RFC3: variants seen among roughly 807,000 people sequenced by gnomAD.
The protein encoded by RFC3 is replication factor C subunit 3.
Under a neutral mutation model 45.1 loss-of-function variants are expected in RFC3, and 41 were observed. That is an observed-to-expected ratio of 0.91 (90% CI 0.71 to 1.18). The LOEUF (loss-of-function observed/expected upper bound fraction) is 1.18. Ranked by LOEUF, RFC3 falls within the 50% of genes most tolerant of loss-of-function variation. The pLI, the probability that RFC3 is intolerant of heterozygous loss-of-function variation, is 0.00. For synonymous variants in RFC3, 149 were observed against 144.0 expected, an observed-to-expected ratio of 1.03 and a Z score of -0.25; for missense variants, 423 against 428.1, an observed-to-expected ratio of 0.99 and a Z score of 0.10.
intron 8 of RFC3, among the ~76,000 whole-genome samples, chr13:33,961,997 C>T (rs775883896): frequency 6.6e-6 from 1 of 152,184 alleles, no homozygotes; most frequent in Non-Finnish European, 1.5e-5. Context: ...AAACTGATCT[C>T]ATCAGCAATG....
At chr13:33,877,217 A>G (rs959842130) in intron 8 of RFC3, among the ~76,000 whole-genome samples, 30 of 152,194 alleles carry the variant, frequency 2.0e-4, no homozygotes, top group Admixed American at 2.0e-3. Context: ...ACACAGCATT[A>G]AGGAGTAGAG....
chr13:33,818,768 T>C (rs2081972545), intron 1 of RFC3, among the ~76,000 whole-genome samples: 1 of 152,230 alleles, frequency 6.6e-6, no homozygotes, highest in Non-Finnish European at 1.5e-5. Context: ...TCTAGCTGGC[T>C]TAAGATTTCT....
intron 4 of RFC3, chr13:33,829,628 A>G (rs1204306884): frequency 1.7e-6 from 1 of 576,532 alleles, no homozygotes; most frequent in Non-Finnish European, 3.1e-6. Context: ...TATTTATATG[A>G]TCTGAAGAGA....
At chr13:33,925,638 ATATG>A (rs1195743465) in intron 8 of RFC3, among the ~76,000 whole-genome samples, 2 of 149,538 alleles carry the variant, frequency 1.3e-5, no homozygotes, top group African/African-American at 5.0e-5. Context: ...ATATATATGT[ATATG>A]TATATAGTGA....
At chr13:33,852,992 G>A (rs573323606) in intron 8 of RFC3, among the ~76,000 whole-genome samples, 11 of 152,278 alleles carry the variant, frequency 7.2e-5, no homozygotes, top group African/African-American at 2.6e-4. Context: ...AACATTGGTG[G>A]TCAGAAGAAT....
chr13:33,880,801 C>T (rs985351929), intron 8 of RFC3, among the ~76,000 whole-genome samples: 6 of 152,048 alleles, frequency 3.9e-5, no homozygotes, highest in East Asian at 1.9e-4. Context: ...GGCACGGTGG[C>T]GCACGCCTGT....
chr13:33,922,820 C>G (rs1322590807), intron 8 of RFC3, among the ~76,000 whole-genome samples: 1 of 152,052 alleles, frequency 6.6e-6, no homozygotes, highest in East Asian at 1.9e-4. Flanking sequence ...GAATATGAAA[C>G]CAAATGCCTT....
At chr13:33,833,155 G>C (rs867430850) in intron 7 of RFC3, among the ~76,000 whole-genome samples, 5 of 152,120 alleles carry the variant, frequency 3.3e-5, no homozygotes, top group Middle Eastern at 6.8e-3. Context: ...CTGATCACTG[G>C]GCTACACAAT....
chr13:33,914,309 AG>A (rs1283309168), intron 8 of RFC3, among the ~76,000 whole-genome samples: 3 of 152,128 alleles, frequency 2.0e-5, no homozygotes, highest in Non-Finnish European at 4.4e-5. Context: ...GCATTTGAAA[AG>A]TAATTATCTA....
At position 33,963,813 on chromosome 13, in the gene RFC3, C is replaced by T. The variant is rs941954101; in HGVS notation, c.880-2274C>T. ...GATTGCAGGAGGAAAGATATGAAAG[C>T]CACAGGAAAGATATGAAAGCCTCAC... On this transcript the variant is annotated intron_variant, in intron 8 of 8. Transcript: ENST00000434425. Among the ~76,000 whole-genome samples the T allele has an allele frequency of 8.2e-4, 125 of 152,028 alleles. 11 individuals are homozygous for T.
At chr13:33,835,440 A>G (rs1464072244) in intron 8 of RFC3, 1 of 696,628 alleles carries the variant, frequency 1.4e-6, no homozygotes, top group South Asian at 1.4e-5. Context: ...AGTGGTGTGA[A>G]AAGGAGAACA....
At chr13:33,943,860 A>G (rs554623894) in intron 8 of RFC3, among the ~76,000 whole-genome samples, 110 of 152,294 alleles carry the variant, frequency 7.2e-4, no homozygotes, top group African/African-American at 2.4e-3. Flanking sequence ...ATTGGTTAGA[A>G]GCAAATTCGC....
intron 8 of RFC3, among the ~76,000 whole-genome samples, chr13:33,919,951 A>G (rs1008162737): frequency 6.6e-6 from 1 of 152,288 alleles, no homozygotes; most frequent in South Asian, 2.1e-4. Context: ...TTGTTTAAAG[A>G]TGAAGCGTAA....
chr13:33,898,499 C>T (rs79984171), intron 8 of RFC3, among the ~76,000 whole-genome samples: 1,636 of 151,426 alleles, frequency 0.011, 36 homozygotes, highest in African/African-American at 0.037. Flanking sequence ...TATGGGATAC[C>T]GAAAAAGCAG....
chr13:33,910,412 T>C (rs577948294), intron 8 of RFC3, among the ~76,000 whole-genome samples: 1 of 152,260 alleles, frequency 6.6e-6, no homozygotes, highest in African/African-American at 2.4e-5. Context: ...GCTTGGCACA[T>C]AGTAAGCACT....
chr13:33,877,460 A>C (rs2082455661), intron 8 of RFC3, among the ~76,000 whole-genome samples: 1 of 152,192 alleles, frequency 6.6e-6, no homozygotes, highest in Non-Finnish European at 1.5e-5. Flanking sequence ...TCACAAACAT[A>C]AACAGGAAGA....
At chr13:33,873,231 G>C (rs1050481306) in intron 8 of RFC3, among the ~76,000 whole-genome samples, 4 of 152,180 alleles carry the variant, frequency 2.6e-5, no homozygotes, top group Non-Finnish European at 4.4e-5. Flanking sequence ...CATTGAGTCA[G>C]AACCAACAAA....
intron 8 of RFC3, among the ~76,000 whole-genome samples, chr13:33,873,140 C>T (rs748621971): frequency 2.0e-5 from 3 of 152,170 alleles, no homozygotes; most frequent in Non-Finnish European, 4.4e-5. Context: ...CAGTGACCAA[C>T]TCTACACCTC....
At chr13:33,906,458 T>A (rs1478741811) in intron 8 of RFC3, among the ~76,000 whole-genome samples, 1 of 152,004 alleles carries the variant, frequency 6.6e-6, no homozygotes, top group African/African-American at 2.4e-5. Context: ...CTAAGATTCA[T>A]GTAGACACTA....
Sources: gnomAD v4.1 joint callset for allele counts (sites outside exome capture counted in the v4.1 genomes callset) on GRCh38, gnomAD v4.1.1 for gene constraint, MANE v1.5 for transcripts, NCBI Gene and HGNC (gene_info 2026-07-23, HGNC 2026-07-21) for gene names.